The following CHTOP variants were observed in gnomAD, a reference collection of about 807,000 sequenced individuals.
CHTOP encodes chromatin target of PRMT1, also known as chromatin target of PRMT1 protein.
CHTOP carries 18 observed loss-of-function variants against 33.6 expected under a neutral mutation model. That is an observed-to-expected ratio of 0.54 (90% CI 0.37 to 0.80). The LOEUF (loss-of-function observed/expected upper bound fraction) is 0.80, where lower values mean the gene tolerates loss of function less well. CHTOP is among the 30% of genes least tolerant of loss of function. The probability of loss-of-function intolerance (pLI) is 0.00; values close to 1 mark genes in which losing one functional copy is unlikely to be tolerated. For synonymous variants in CHTOP, 117 were observed against 127.7 expected, an observed-to-expected ratio of 0.92 and a Z score of 0.56; for missense variants, 263 against 336.8, an observed-to-expected ratio of 0.78 and a Z score of 1.71.
chr1:153,636,168 A>G (rs887826475), intron 1 of CHTOP, among the ~76,000 whole-genome samples: 1 of 148,980 alleles, frequency 6.7e-6, no homozygotes, highest in Non-Finnish European at 1.5e-5. Context: ...GCTTCAAACC[A>G]TCCTGTGCCC....
intron 2 of CHTOP, chr1:153,636,948 A>G (rs1668428850): frequency 3.3e-6 from 1 of 305,944 alleles, no homozygotes; most frequent in African/African-American, 2.1e-5. Context: ...GGGGTCGTGC[A>G]GCACGGTAGC....
rs1571321224 is a variant in CHTOP at position 153,643,256 on chromosome 1, G to A, written c.433G>A (p.Val145Ile). The stretch of plus-strand genomic sequence containing the variant: ...AAACCTGCTCCGAGGTGGACGAGCC[G>A]TAGCTCCCCGAATGGGCTTAAGAAG... ...GQNLLRGGRA[V>I]APRMGLRRGG... Residue 145 changes from valine to isoleucine, a missense_variant, in exon 5 of 6, where the codon GTA (valine) becomes ATA (isoleucine). This residue lies in a region of CHTOP where 168 missense variants were observed against 179.9 expected (regional missense o/e 0.93). Transcript: ENST00000368694. 9.9e-6 allele frequency: 16 copies of A among 1,614,016 alleles called. No individual in the cohort carries two copies. The highest frequency in any genetic ancestry group is 1.3e-5 in the African/African-American group (1 of 74,902).
Position 153,645,551 on chromosome 1 carries a change from G to A in CHTOP, c.*282G>A, listed in dbSNP as rs1557943287. The A allele has an allele frequency of 4.4e-6, 2 of 454,558 alleles. No individual in the cohort carries two copies. Among genetic ancestry groups the A allele is most frequent in the Non-Finnish European group, 3.9e-6 (1 of 253,744 alleles). 28.2% of individuals were successfully genotyped at this position (454,558 alleles called of 1,614,324 possible). ...CCCAGACTTCTCTTTGAACACAAAT[G>A]CATTAGCCTTGTGGCTAGAACACCC... On this transcript the variant is annotated 3_prime_UTR_variant, in exon 6 of 6. Coordinates refer to ENST00000368694, the MANE Select transcript of CHTOP (RefSeq NM_015607.4).
At chr1:153,639,443 CATG>C (rs1668535240) in intron 3 of CHTOP, 1 of 975,230 alleles carries the variant, frequency 1.0e-6, no homozygotes, top group Non-Finnish European at 1.2e-6. Context: ...AGGGCAGTGC[CATG>C]CAACTGTAAG....
chr1:153,638,492 CTG>C (rs1557938819), intron 3 of CHTOP, 44 bp downstream of exon 3: 1 of 1,611,482 alleles, frequency 6.2e-7, no homozygotes, highest in Admixed American at 1.7e-5. Context: ...CTGGTGATCT[CTG>C]TGAGGGAGTC....
rs1387942637 is a variant in CHTOP at position 153,636,667 on chromosome 1, C to T, written c.65+14C>T. 6.2e-7 allele frequency: 1 copy of T among 1,610,826 alleles called. No homozygotes were observed. The highest frequency in any genetic ancestry group is 1.1e-5 in the South Asian group (1 of 90,938). Reference sequence around the variant, plus strand: ...TCTAAATGAGCGGTGAGGCAGCCAACAGCAACTTCAACTCCTTCCTAAGAA... The same window carrying T: ...TCTAAATGAGCGGTGAGGCAGCCAATAGCAACTTCAACTCCTTCCTAAGAA... On this transcript the variant is annotated intron_variant, in intron 2 of 5. Coordinates refer to ENST00000368694, the MANE Select transcript of CHTOP (RefSeq NM_015607.4).
intron 5 of CHTOP, 112 bp from the exon 6 acceptor site, chr1:153,644,952 G>A: frequency 1.1e-6 from 1 of 910,182 alleles, no homozygotes; most frequent in Non-Finnish European, 1.6e-6. Context: ...TCTTTGCCCT[G>A]CCCTTCAGCT....
chr1:153,641,776 T>C (rs1413563132), intron 3 of CHTOP, among the ~76,000 whole-genome samples: 1 of 152,244 alleles, frequency 6.6e-6, no homozygotes, highest in East Asian at 1.9e-4. Flanking sequence ...ACTTGTAATT[T>C]AAGTTTTGCC....
chr1:153,642,815 G>C (rs572309880), intron 4 of CHTOP: 177 of 220,988 alleles, frequency 8.0e-4, no homozygotes, highest in African/African-American at 4.0e-3. Flanking sequence ...GGAAAAAGAG[G>C]ACAAGTTGAC....
chr1:153,636,486 TTTA>T, intron 1 of CHTOP, 83 bp from the exon 2 acceptor site: 1 of 1,070,932 alleles, frequency 9.3e-7, no homozygotes, highest in Non-Finnish European at 1.4e-6. Flanking sequence ...ATAAGGCCTT[TTTA>T]TTTATTTTTG....
intron 3 of CHTOP, among the ~76,000 whole-genome samples, chr1:153,639,781 T>C (rs1309863269): frequency 6.6e-6 from 1 of 152,048 alleles, no homozygotes; most frequent in African/African-American, 2.4e-5. Context: ...TTTTTTATGT[T>C]TTTGGTTTGG....
chr1:153,636,712 C>T, intron 2 of CHTOP, 59 bp downstream of exon 2: 3 of 1,502,568 alleles, frequency 2.0e-6, no homozygotes, highest in Non-Finnish European at 2.8e-6. Flanking sequence ...TAACTTGGCC[C>T]TGGGGTCCAA....
At chr1:153,636,705 C>T (rs150731390) in intron 2 of CHTOP, 52 bp downstream of exon 2, 1 of 1,543,780 alleles carries the variant, frequency 6.5e-7, no homozygotes, top group Non-Finnish European at 8.9e-7. Context: ...CATTACTTAA[C>T]TTGGCCCTGG....
chr1:153,636,444 A>G, intron 1 of CHTOP, 128 bp from the exon 2 acceptor site: 1 of 597,756 alleles, frequency 1.7e-6, no homozygotes, highest in Non-Finnish European at 2.9e-6. Context: ...AGCACTTGAA[A>G]TGTGCCCTCG....
rs1482071886 is a variant in CHTOP at position 153,645,111 on chromosome 1, C to T, written c.589C>T (p.Arg197Ter). 4 of 1,613,496 alleles carry T rather than the reference C, an allele frequency of 2.5e-6. No homozygotes were observed. Among genetic ancestry groups the T allele is most frequent in the African/African-American group, 1.3e-5 (1 of 74,778 alleles). ...AAGAGGGGGCTTTGGAGGCCGAGGC[C>T]GAGGCCGTGGACGAGGGAGAGGTGC... Reference protein sequence around the residue: ...RGRGGFGGRGRGRGRGRGALA... With the variant: ...RGRGGFGGRG Residue 197 changes from arginine to a stop codon, truncating the protein, a stop_gained, in exon 6 of 6, where the codon CGA (arginine) becomes TGA (stop). Coordinates refer to ENST00000368694, the MANE Select transcript of CHTOP (RefSeq NM_015607.4). LOFTEE classifies it high-confidence loss of function.
intron 4 of CHTOP, chr1:153,642,736 A>T: frequency 4.0e-6 from 1 of 248,206 alleles, no homozygotes; most frequent in Non-Finnish European, 7.8e-6. Flanking sequence ...CAAGTCAAAC[A>T]TAAGAAATTT....
At chr1:153,639,441 GC>G in intron 3 of CHTOP, 1 of 977,210 alleles carries the variant, frequency 1.0e-6, no homozygotes, top group Non-Finnish European at 1.2e-6. Flanking sequence ...GGAGGGCAGT[GC>G]CATGCAACTG....
chr1:153,645,190 A>G lies in CHTOP; in HGVS notation c.668A>G (p.Tyr223Cys). The change falls in exon 6 of 6, where the codon TAT becomes TGT. Residue 223 changes from tyrosine to cysteine, a missense_variant. This residue lies in a region of CHTOP where 22 missense variants were observed against 47.9 expected (regional missense o/e 0.46). Transcript: ENST00000368694. Reference protein sequence around the residue: ...KEQLDNQLDAYMSKTKGHLDA... With the variant: ...KEQLDNQLDACMSKTKGHLDA... ...CAGCTGGACAACCAATTGGATGCAT[A>G]TATGTCGAAAACAAAAGGACACCTG... 3 of 1,614,234 alleles carry G rather than the reference A, an allele frequency of 1.9e-6. No individual in the cohort carries two copies. Among genetic ancestry groups the G allele is most frequent in the Non-Finnish European group, 2.5e-6 (3 of 1,180,054 alleles).
In CHTOP at chr1:153,634,223, C is replaced by G. The variant is rs1668213083; in HGVS notation, c.-138C>G. 1 of 152,742 alleles carries G rather than the reference C, an allele frequency of 6.5e-6. No homozygotes were observed. The highest frequency in any genetic ancestry group is 1.5e-5 in the Non-Finnish European group (1 of 68,076). The allele number at this position is 152,742 out of a possible 1,614,324, so 9.5% of individuals were successfully genotyped here. A position where few individuals can be genotyped will look rare whatever the true frequency, so the allele number is the denominator to read the frequency against. ...GCATACTACCGCTTACGCATCTAAC[C>G]AACCGCCCATCTAGCTAACCCGAGC... On this transcript the variant is annotated 5_prime_UTR_variant, in exon 1 of 6. Coordinates refer to ENST00000368694, the MANE Select transcript of CHTOP (RefSeq NM_015607.4).
Sources: gnomAD v4.1 joint callset for allele counts (sites outside exome capture counted in the v4.1 genomes callset) on GRCh38, gnomAD v4.1.1 for gene constraint, gnomAD v4.1.1 regional missense constraint, MANE v1.5 for transcripts, NCBI Gene and HGNC (gene_info 2026-07-23, HGNC 2026-07-21) for gene names.